SLC25A48: variants seen among roughly 807,000 people sequenced by gnomAD.
SLC25A48 encodes CTC-321K16.1.
A neutral mutation model predicts 32.2 loss-of-function variants in SLC25A48; 29 were observed. That is an observed-to-expected ratio of 0.90 (90% CI 0.67 to 1.23). The LOEUF is 1.23. SLC25A48 is among the 50% of genes most tolerant of loss of function. The probability of loss-of-function intolerance (pLI) is 0.00; values close to 1 mark genes in which losing one functional copy is unlikely to be tolerated. For missense variants in SLC25A48, 399 were observed against 422.7 expected (o/e 0.94, Z 0.49); for synonymous variants, 164 against 172.3 (o/e 0.95, Z 0.38).
intron 3 of SLC25A48, among the ~76,000 whole-genome samples, chr5:135,659,622 G>C (rs1753340578): frequency 6.6e-6 from 1 of 152,246 alleles, no homozygotes; most frequent in East Asian, 1.9e-4. Context: ...GTATTAGTCT[G>C]TTCTCACACT....
At chr5:135,664,049 G>C (rs2126936538) in intron 3 of SLC25A48, among the ~76,000 whole-genome samples, 1 of 152,224 alleles carries the variant, frequency 6.6e-6, no homozygotes, top group South Asian at 2.1e-4. Flanking sequence ...TCAGCCCTTG[G>C]GTCCTCCCTC....
chr5:135,753,430 A>C (rs1185377565), intron 3 of SLC25A48, among the ~76,000 whole-genome samples: 1 of 152,036 alleles, frequency 6.6e-6, no homozygotes, highest in Non-Finnish European at 1.5e-5. Flanking sequence ...ATTAGTGGTA[A>C]TATCTCAAGG....
chr5:135,638,535 T>A (rs556092311), intron 3 of SLC25A48, among the ~76,000 whole-genome samples: 3 of 152,320 alleles, frequency 2.0e-5, no homozygotes, highest in South Asian at 2.1e-4. Flanking sequence ...CACAAGTAGA[T>A]AAAACTGTGC....
rs757412641 is a variant in SLC25A48, at chr5:135,721,192, CTTTTTTTTTTT to C, written c.-521+86255_-521+86265del. On this transcript the variant is annotated intron_variant, in intron 3 of 10. Transcript: ENST00000646290. ...GAGTAGCTGGGACACCATGCCTGGCCTTTTTTTTTTTTTTTTTTTTTTTTTTTTTGACAGAG... is the reference window on the plus strand; with the variant it reads ...GAGTAGCTGGGACACCATGCCTGGCCTTTTTTTTTTTTTTTTTTGACAGAG... Among the ~76,000 whole-genome samples the C allele has an allele frequency of 9.8e-4, 53 of 53,880 alleles. 2 individuals are homozygous for C. Among genetic ancestry groups the C allele is most frequent in the Non-Finnish European group, 1.6e-3 (37 of 23,716 alleles). 35.3% of individuals were successfully genotyped at this position (53,880 alleles called of 152,430 possible).
chr5:135,719,285 C>T (rs1317090878), intron 3 of SLC25A48, among the ~76,000 whole-genome samples: 2 of 152,188 alleles, frequency 1.3e-5, no homozygotes, highest in Non-Finnish European at 2.9e-5. Flanking sequence ...CCCACTCTCT[C>T]ATTGCATTCA....
chr5:135,818,054 C>CCTCTCTCCCT, intron 4 of SLC25A48, among the ~76,000 whole-genome samples: 1 of 80,668 alleles, frequency 1.2e-5, no homozygotes, highest in South Asian at 5.3e-4. Context: ...TCTCTCTGTT[C>CCTCTCTCCCT]CTCTCTCTCT....
chr5:135,592,354 A>G (rs1427553810), intron 1 of SLC25A48, among the ~76,000 whole-genome samples: 1 of 152,172 alleles, frequency 6.6e-6, no homozygotes, highest in African/African-American at 2.4e-5. Context: ...GTGCTCTTCC[A>G]TTCCTAAACA....
At chr5:135,599,478 G>C (rs986058356) in intron 1 of SLC25A48, among the ~76,000 whole-genome samples, 1 of 152,124 alleles carries the variant, frequency 6.6e-6, no homozygotes, top group Admixed American at 6.5e-5. Flanking sequence ...TGCATAAGTT[G>C]GAGGCTACTA....
At chr5:135,779,799 T>A in intron 3 of SLC25A48, among the ~76,000 whole-genome samples, 1 of 117,208 alleles carries the variant, frequency 8.5e-6, no homozygotes, top group East Asian at 2.1e-4. Flanking sequence ...GAGGATAATA[T>A]TGATCTCAAT....
At chr5:135,589,576 A>G (rs2126875106) in intron 1 of SLC25A48, among the ~76,000 whole-genome samples, 1 of 152,310 alleles carries the variant, frequency 6.6e-6, no homozygotes, top group Admixed American at 6.5e-5. Context: ...GAGTGTGCCC[A>G]TTTTCAGTGT....
At chr5:135,757,182 T>C (rs1044656025) in intron 3 of SLC25A48, among the ~76,000 whole-genome samples, 1 of 150,230 alleles carries the variant, frequency 6.7e-6, no homozygotes. Flanking sequence ...TTATGTCTAG[T>C]GTTAACACAT....
At chr5:135,767,187 A>ACC (rs34320053) in intron 3 of SLC25A48, among the ~76,000 whole-genome samples, 4,502 of 144,598 alleles carry the variant, frequency 0.031, 95 homozygotes, top group Non-Finnish European at 0.035. Flanking sequence ...GGACAGGTAC[A>ACC]CCCCCCCCCC....
At chr5:135,685,783 G>A (rs113808551) in intron 3 of SLC25A48, among the ~76,000 whole-genome samples, 30 of 152,226 alleles carry the variant, frequency 2.0e-4, no homozygotes, top group Non-Finnish European at 2.8e-4. Flanking sequence ...TACATGACCT[G>A]TGTTCTTCCA....
At chr5:135,804,104 C>T (rs564194179) in intron 3 of SLC25A48, among the ~76,000 whole-genome samples, 74 of 151,692 alleles carry the variant, frequency 4.9e-4, no homozygotes, top group African/African-American at 1.8e-3. Flanking sequence ...CCCCCTTTGA[C>T]ATTAAGAGTA....
At chr5:135,752,980 G>A (rs4036630) in intron 3 of SLC25A48, among the ~76,000 whole-genome samples, 115,825 of 151,872 alleles carry the variant, frequency 0.76, 44,728 homozygotes, top group Middle Eastern at 0.87. Flanking sequence ...AGGGGTTTAC[G>A]CACACATGGT....
chr5:135,862,057 C>G (rs983478996), intron 4 of SLC25A48, among the ~76,000 whole-genome samples: 1 of 152,198 alleles, frequency 6.6e-6, no homozygotes, highest in African/African-American at 2.4e-5. Context: ...AATCACTGCC[C>G]TTTGCATGGG....
intron 3 of SLC25A48, among the ~76,000 whole-genome samples, chr5:135,661,615 C>T (rs777703558): frequency 9.2e-5 from 14 of 152,174 alleles, no homozygotes; most frequent in African/African-American, 1.4e-4. Flanking sequence ...CTTCCCTCCC[C>T]GGTCCTTTTC....
intron 4 of SLC25A48, among the ~76,000 whole-genome samples, chr5:135,862,860 T>C (rs1320495279): frequency 1.3e-5 from 2 of 151,918 alleles, no homozygotes; most frequent in Admixed American, 1.3e-4. Context: ...GTGGAGTAAG[T>C]TGGGAAGCGC....
intron 3 of SLC25A48, among the ~76,000 whole-genome samples, chr5:135,789,071 T>G (rs1326165322): frequency 6.6e-6 from 1 of 150,710 alleles, no homozygotes; most frequent in East Asian, 2.0e-4. Flanking sequence ...TGGTCTGTAA[T>G]ATCCGAGAAG....
Sources: gnomAD v4.1 joint callset for allele counts (sites outside exome capture counted in the v4.1 genomes callset) on GRCh38, gnomAD v4.1.1 for gene constraint, MANE v1.5 for transcripts, NCBI Gene and HGNC (gene_info 2026-07-23, HGNC 2026-07-21) for gene names.